Variants in KCNQ5 observed in about 807,000 individuals in gnomAD.
The protein encoded by KCNQ5 is potassium voltage-gated channel subfamily Q member 5.
KCNQ5 carries 30 observed loss-of-function variants against 98.2 expected under a neutral mutation model. The ratio of observed to expected loss-of-function variants is 0.31; its 90% confidence interval spans 0.23 to 0.41. KCNQ5 has a LOEUF of 0.41. Among genes scored for constraint, KCNQ5 ranks in the 10% least tolerant of loss-of-function variants. The pLI, the probability that KCNQ5 is intolerant of heterozygous loss-of-function variation, is 1.00. For missense variants in KCNQ5, 835 were observed against 1,182.5 expected, an observed-to-expected ratio of 0.71 and a Z score of 4.31; for synonymous variants, 458 against 449.4, an observed-to-expected ratio of 1.02 and a Z score of -0.24.
intron 3 of KCNQ5, among the ~76,000 whole-genome samples, chr6:73,073,077 T>C (rs1773367711): frequency 6.6e-6 from 1 of 152,224 alleles, no homozygotes; most frequent in Non-Finnish European, 1.5e-5. Flanking sequence ...GCGATAACAA[T>C]TTATTCCTGA....
chr6:72,798,626 T>C (rs1172242348), intron 1 of KCNQ5, among the ~76,000 whole-genome samples: 2 of 152,180 alleles, frequency 1.3e-5, no homozygotes, highest in East Asian at 3.8e-4. Context: ...TCTCAGGTAT[T>C]CTGTTACAGA....
chr6:72,825,893 A>C (rs1224291405), intron 1 of KCNQ5, among the ~76,000 whole-genome samples: 1 of 152,132 alleles, frequency 6.6e-6, no homozygotes, highest in Non-Finnish European at 1.5e-5. Flanking sequence ...TGAAGAGAGA[A>C]AACTTTAATC....
chr6:72,825,053 G>A (rs1562007043), intron 1 of KCNQ5, among the ~76,000 whole-genome samples: 1 of 151,858 alleles, frequency 6.6e-6, no homozygotes, highest in South Asian at 2.1e-4. Flanking sequence ...TGTCTTTGAG[G>A]ACCTCTGGGT....
intron 1 of KCNQ5, among the ~76,000 whole-genome samples, chr6:72,740,878 G>A (rs143684226): frequency 7.2e-5 from 11 of 152,198 alleles, no homozygotes; most frequent in Middle Eastern, 3.4e-3. Flanking sequence ...CTCTAATTAC[G>A]ACTTTATTGA....
intron 1 of KCNQ5, among the ~76,000 whole-genome samples, chr6:72,881,000 A>T (rs993133471): frequency 6.6e-6 from 1 of 152,246 alleles, no homozygotes; most frequent in African/African-American, 2.4e-5. Flanking sequence ...GATGTCGACA[A>T]GATTCTGTAT....
chr6:72,899,159 G>A (rs1028689054), intron 1 of KCNQ5, among the ~76,000 whole-genome samples: 6 of 152,076 alleles, frequency 3.9e-5, no homozygotes, highest in African/African-American at 1.4e-4. Flanking sequence ...CTTTTGCTCT[G>A]TAGAAGACTG....
At chr6:72,662,608 T>C (rs1391968026) in intron 1 of KCNQ5, among the ~76,000 whole-genome samples, 1 of 152,062 alleles carries the variant, frequency 6.6e-6, no homozygotes, top group Non-Finnish European at 1.5e-5. Context: ...AAATAACTTT[T>C]TTTTTTTTAC....
chr6:72,628,712 C>T (rs1476699508), intron 1 of KCNQ5, among the ~76,000 whole-genome samples: 2 of 152,102 alleles, frequency 1.3e-5, no homozygotes, highest in Non-Finnish European at 2.9e-5. Context: ...CAAGTTCAAG[C>T]GATTTTGCTG....
intron 1 of KCNQ5, among the ~76,000 whole-genome samples, chr6:72,940,274 T>C (rs369786715): frequency 1.1e-4 from 16 of 152,246 alleles, no homozygotes; most frequent in Admixed American, 3.9e-4. Context: ...AACTGAATCA[T>C]TATGCATTAT....
In KCNQ5 at chr6:72,663,900, T is replaced by C. The variant is rs193026261; in HGVS notation, c.398+41313T>C. ...AAATCTTCAAGTATATTATCTGTACTCACTTTGGCTACCTATTTTCAGACC... is the reference window on the plus strand; with the variant it reads ...AAATCTTCAAGTATATTATCTGTACCCACTTTGGCTACCTATTTTCAGACC... On this transcript the variant is annotated intron_variant, in intron 1 of 13. Coordinates refer to ENST00000370398, the MANE Select transcript of KCNQ5 (RefSeq NM_019842.4). Among the ~76,000 whole-genome samples, 17 of 152,332 alleles carry C rather than the reference T, an allele frequency of 1.1e-4. No individual in the cohort carries two copies. In the South Asian group the frequency reaches 1.5e-3, roughly 13 times the overall value.
At chr6:72,671,594 T>C (rs979877319) in intron 1 of KCNQ5, among the ~76,000 whole-genome samples, 9 of 152,188 alleles carry the variant, frequency 5.9e-5, no homozygotes, top group Non-Finnish European at 1.0e-4. Flanking sequence ...ATATTATTTA[T>C]TTAAGAAAAA....
At chr6:72,888,873 C>A (rs1778949764) in intron 1 of KCNQ5, among the ~76,000 whole-genome samples, 1 of 152,060 alleles carries the variant, frequency 6.6e-6, no homozygotes, top group African/African-American at 2.4e-5. Flanking sequence ...TTTATAGGCA[C>A]TGGGGATACA....
chr6:72,890,516 A>G (rs896910161), intron 1 of KCNQ5, among the ~76,000 whole-genome samples: 3 of 151,916 alleles, frequency 2.0e-5, no homozygotes, highest in African/African-American at 7.2e-5. Context: ...TGAGAATAGC[A>G]GTGGGGTTGT....
intron 5 of KCNQ5, among the ~76,000 whole-genome samples, chr6:73,100,733 G>T (rs1292319943): frequency 2.0e-5 from 3 of 151,104 alleles, no homozygotes; most frequent in African/African-American, 2.4e-5. Flanking sequence ...AAACAAAAAT[G>T]ACAAACTTAG....
intron 1 of KCNQ5, among the ~76,000 whole-genome samples, chr6:72,661,282 A>G (rs1766512235): frequency 1.3e-5 from 2 of 152,096 alleles, no homozygotes; most frequent in Non-Finnish European, 2.9e-5. Flanking sequence ...ACAACATAAT[A>G]TTGACATGAG....
intron 1 of KCNQ5, among the ~76,000 whole-genome samples, chr6:72,848,856 G>A (rs1777122345): frequency 1.3e-5 from 2 of 152,094 alleles, no homozygotes; most frequent in Admixed American, 6.6e-5. Flanking sequence ...GAAGAAGGAC[G>A]TGTTTGCTTC....
intron 10 of KCNQ5, among the ~76,000 whole-genome samples, chr6:73,167,111 ATG>A: frequency 6.6e-6 from 1 of 152,314 alleles, no homozygotes; most frequent in South Asian, 2.1e-4. Context: ...TCATCAAACC[ATG>A]GGCACGATGT....
intron 3 of KCNQ5, among the ~76,000 whole-genome samples, chr6:73,049,839 C>T (rs886258804): frequency 6.6e-6 from 1 of 152,020 alleles, no homozygotes; most frequent in African/African-American, 2.4e-5. Flanking sequence ...TGATATGATT[C>T]GATTCCTGTC....
intron 1 of KCNQ5, among the ~76,000 whole-genome samples, chr6:72,687,986 G>T (rs189678702): frequency 4.0e-5 from 6 of 151,796 alleles, no homozygotes; most frequent in Admixed American, 3.9e-4. Context: ...CTACAGGTGC[G>T]CATCACCATG....
Sources: gnomAD v4.1 joint callset for allele counts (sites outside exome capture counted in the v4.1 genomes callset) on GRCh38, gnomAD v4.1.1 for gene constraint, MANE v1.5 for transcripts, NCBI Gene and HGNC (gene_info 2026-07-23, HGNC 2026-07-21) for gene names.